SLC35F2: variants seen among roughly 807,000 people sequenced by gnomAD.
SLC35F2 encodes queuine/queuosine transporter SLC35F2.
In SLC35F2, 25 loss-of-function variants were observed where a neutral mutation model predicts 38.1. The observed-to-expected ratio is 0.66, with a 90% CI of 0.48 to 0.92. The LOEUF (loss-of-function observed/expected upper bound fraction) is 0.92. Among genes scored for constraint, SLC35F2 ranks in the 40% least tolerant of loss-of-function variants. The pLI is 0.00. For missense variants in SLC35F2, 409 were observed against 452.9 expected (o/e 0.90, Z 0.88); for synonymous variants, 173 against 181.7 (o/e 0.95, Z 0.38).
chr11:107,798,445 C>T (rs762086360), intron 7 of SLC35F2, among the ~76,000 whole-genome samples: 23 of 152,170 alleles, frequency 1.5e-4, no homozygotes, highest in Non-Finnish European at 2.8e-4. Flanking sequence ...ACTATCATGT[C>T]TCTCTTAAGA....
chr11:107,825,271 T>A lies in SLC35F2; in HGVS notation c.111-9306A>T, dbSNP rs539833590. Among the ~76,000 whole-genome samples the A allele has an allele frequency of 7.9e-5, 12 of 152,236 alleles. No homozygotes were observed. The South Asian group carries it at 2.5e-3, about 32-fold the overall frequency. On this transcript the variant is annotated intron_variant, in intron 1 of 7. Coordinates refer to ENST00000525815, the MANE Select transcript of SLC35F2 (RefSeq NM_017515.5). ...CCCTAGCCTGGTGCTTCTCAAACTTTCATGTGATATGAATCATCTAAGGCT... is the reference window on the plus strand; with the variant it reads ...CCCTAGCCTGGTGCTTCTCAAACTTACATGTGATATGAATCATCTAAGGCT...
intron 1 of SLC35F2, among the ~76,000 whole-genome samples, chr11:107,853,880 G>A (rs1029582386): frequency 1.3e-5 from 2 of 151,900 alleles, no homozygotes; most frequent in African/African-American, 4.8e-5. Context: ...GTTTTTGCTA[G>A]AGATATAAAG....
At chr11:107,815,594 A>AC (rs1859558777) in intron 2 of SLC35F2, among the ~76,000 whole-genome samples, 196 bp downstream of exon 2, 2 of 143,882 alleles carry the variant, frequency 1.4e-5, no homozygotes, top group African/African-American at 5.1e-5. Flanking sequence ...ACACACACAC[A>AC]AAAAAAAAAA....
At chr11:107,817,187 A>C (rs1389467565) in intron 1 of SLC35F2, among the ~76,000 whole-genome samples, 1 of 152,084 alleles carries the variant, frequency 6.6e-6, no homozygotes, top group Non-Finnish European at 1.5e-5. Context: ...GAGGCATGAG[A>C]ATCACTTGAA....
intron 1 of SLC35F2, among the ~76,000 whole-genome samples, chr11:107,829,026 T>C (rs1859795332): frequency 6.6e-6 from 1 of 150,806 alleles, no homozygotes; most frequent in African/African-American, 2.4e-5. Flanking sequence ...GAGAATTGCT[T>C]GAACCTGGCA....
In SLC35F2 at chr11:107,844,241, T is replaced by C. The variant is rs141614825; in HGVS notation, c.110+14417A>G. ...TTCCTTACTACTGTGTGACTAACAC[T>C]GTTAGGCAAAATTACCTCACCTCTC... On this transcript the variant is annotated intron_variant, in intron 1 of 7. Transcript: ENST00000525815. Among the ~76,000 whole-genome samples, 172 of 152,266 alleles carry C rather than the reference T, an allele frequency of 1.1e-3. 2 individuals are homozygous for C. The highest frequency in any genetic ancestry group is 4.1e-3 in the African/African-American group (169 of 41,556).
intron 7 of SLC35F2, among the ~76,000 whole-genome samples, chr11:107,797,240 A>C (rs1859233238): frequency 6.6e-6 from 1 of 152,162 alleles, no homozygotes; most frequent in Non-Finnish European, 1.5e-5. Context: ...AATTAGCTTA[A>C]GTTTCATATT....
At chr11:107,821,864 G>C (rs1859677043) in intron 1 of SLC35F2, among the ~76,000 whole-genome samples, 1 of 152,094 alleles carries the variant, frequency 6.6e-6, no homozygotes, top group Non-Finnish European at 1.5e-5. Flanking sequence ...GGGCAGGAGT[G>C]GACAAACAGG....
chr11:107,803,199 C>T (rs2305286), intron 6 of SLC35F2, 44 bp from the exon 7 acceptor site: 86,748 of 1,554,290 alleles, frequency 0.056, 2,723 homozygotes, highest in East Asian at 0.13. Context: ...GGCAAGAAAA[C>T]ATAAGACAAA....
chr11:107,849,678 G>C (rs1345709903), intron 1 of SLC35F2, among the ~76,000 whole-genome samples: 1 of 151,814 alleles, frequency 6.6e-6, no homozygotes, highest in Non-Finnish European at 1.5e-5. Context: ...GGGATTGAAG[G>C]GGGAGGTGGA....
intron 7 of SLC35F2, among the ~76,000 whole-genome samples, chr11:107,793,475 C>T (rs1046902006): frequency 2.0e-5 from 3 of 152,122 alleles, no homozygotes; most frequent in African/African-American, 7.2e-5. Context: ...ACCCTAGACA[C>T]TGCTTACAAT....
Position 107,815,974 on chromosome 11 carries a change from T to C in SLC35F2, c.111-9A>G. The C allele has an allele frequency of 6.3e-7, 1 of 1,599,204 alleles. No homozygotes were observed. The highest frequency in any genetic ancestry group is 8.5e-7 in the Non-Finnish European group (1 of 1,175,228). On this transcript the variant is annotated splice_polypyrimidine_tract_variant and intron_variant, in intron 1 of 7. Transcript: ENST00000525815. ...TTGTTTTCAAAATATTCCTAGAAAA[T>C]AAGGGAAGAAATCAGAACAGCATGC...
intron 1 of SLC35F2, among the ~76,000 whole-genome samples, chr11:107,840,006 A>T (rs1383898630): frequency 6.6e-6 from 1 of 152,144 alleles, no homozygotes; most frequent in African/African-American, 2.4e-5. Context: ...AGAGGAACTT[A>T]AGTCTATTGC....
rs1379303898 is a variant in SLC35F2 at position 107,806,784 on chromosome 11, A to T, written c.507T>A (p.Ala169=). The T allele has an allele frequency of 6.2e-7, 1 of 1,614,110 alleles. No homozygotes were observed. Among genetic ancestry groups the T allele is most frequent in the East Asian group, 2.2e-5 (1 of 44,878 alleles). The change falls in exon 4 of 8, where the codon GCT becomes GCA. Residue 169 remains alanine (A), a synonymous_variant. Transcript: ENST00000525815. ...RYRVIHFIAV[A]VCLLGVGTMV... ...TGGTTCCTACACCCAACAGACAGAC[A>T]GCCACGGCGATGAAGTGGATCACTC...
At chr11:107,824,985 T>A (rs1206094908) in intron 1 of SLC35F2, among the ~76,000 whole-genome samples, 2 of 152,214 alleles carry the variant, frequency 1.3e-5, no homozygotes, top group African/African-American at 4.8e-5. Context: ...GAATTGAATG[T>A]TTAATGTAAT....
intron 3 of SLC35F2, chr11:107,810,665 A>C: frequency 4.1e-6 from 4 of 985,252 alleles, no homozygotes; most frequent in Non-Finnish European, 4.8e-6. Context: ...TTTTTAACCC[A>C]TACTGGTCAA....
intron 7 of SLC35F2, among the ~76,000 whole-genome samples, chr11:107,801,645 TAG>T (rs1408682024): frequency 7.3e-6 from 1 of 137,678 alleles, no homozygotes; most frequent in Non-Finnish European, 1.6e-5. Flanking sequence ...AAAAAAAAAA[TAG>T]ATGAGAACTG....
chr11:107,796,184 A>G (rs892892528), intron 7 of SLC35F2, among the ~76,000 whole-genome samples: 3 of 152,312 alleles, frequency 2.0e-5, no homozygotes, highest in African/African-American at 7.2e-5. Flanking sequence ...AATGTAAATT[A>G]GTATAGTAGA....
intron 1 of SLC35F2, among the ~76,000 whole-genome samples, chr11:107,845,909 C>T (rs932552255): frequency 6.7e-5 from 10 of 149,544 alleles, no homozygotes; most frequent in African/African-American, 2.2e-4. Flanking sequence ...GCCAAGATCG[C>T]GCCGTTGCAC....
Sources: allele counts gnomAD v4.1 joint callset (sites outside exome capture counted in the v4.1 genomes callset), GRCh38; gene constraint gnomAD v4.1.1; transcripts MANE v1.5; gene names NCBI Gene and HGNC (gene_info 2026-07-23, HGNC 2026-07-21).